The following PRSS53 variants were observed in gnomAD, a reference collection of about 807,000 sequenced individuals.
PRSS53 encodes the protein serine protease 53.
In PRSS53, 54 loss-of-function variants were observed where a neutral mutation model predicts 62.7. The ratio of observed to expected loss-of-function variants is 0.86; its 90% CI spans 0.69 to 1.08. The LOEUF is 1.08. Among genes scored for constraint, PRSS53 ranks in the 50% least tolerant of loss-of-function variants. The pLI is 0.00. For synonymous variants in PRSS53, 273 were observed against 300.0 expected (o/e 0.91, Z 0.93); for missense variants, 688 against 728.3 (o/e 0.94, Z 0.64).
intron 10 of PRSS53, 22 bp downstream of exon 10, chr16:31,084,097 A>T (rs773919860): frequency 3.2e-6 from 5 of 1,554,914 alleles, no homozygotes; most frequent in East Asian, 4.8e-5. Flanking sequence ...AGGGTTTGGC[A>T]GGAGGCCCCG....
At chr16:31,087,730 A>G in intron 2 of PRSS53, 31 bp from the exon 3 acceptor site, 1 of 1,614,096 alleles carries the variant, frequency 6.2e-7, no homozygotes, top group South Asian at 1.1e-5. Context: ...CACTGACAGC[A>G]GATACCTGTC....
At chr16:31,086,230 T>C in intron 5 of PRSS53, 47 bp from the exon 6 acceptor site, 1 of 1,591,460 alleles carries the variant, frequency 6.3e-7, no homozygotes. Flanking sequence ...AGCCCAGCTA[T>C]GGCAGACACC....
At chr16:31,085,406 C>A (rs1264641455) in intron 6 of PRSS53, 146 bp from the exon 7 acceptor site, 15 of 1,015,042 alleles carry the variant, frequency 1.5e-5, no homozygotes, top group Non-Finnish European at 2.1e-5. Context: ...GACTTCCTTG[C>A]TCTGTAACTA....
chr16:31,086,854 G>C, exon 4 of PRSS53: 1 of 1,610,300 alleles, frequency 6.2e-7, no homozygotes. Context: ...ACGCTGCAGA[G>C]AACCCAGGAC....
rs187128221 is a variant in PRSS53, at chr16:31,084,047, C to T, written c.1642+72G>A. 970 of 1,522,206 alleles carry T rather than the reference C, an allele frequency of 6.4e-4. 4 individuals carry two copies. The highest frequency in any genetic ancestry group is 2.0e-4 in the Middle Eastern group (1 of 4,910). The allele number at this position is 1,522,206 out of a possible 1,614,324, so 94.3% of individuals were successfully genotyped here. ...CCAAGGCAGCTGGAGTGGGTTAGAA[C>T]GGCACGTTCTCACTGGAGAGAGAAG... On this transcript the variant is annotated intron_variant, in intron 10 of 10. Transcript: ENST00000280606.
intron 1 of PRSS53, 43 bp downstream of exon 1, chr16:31,088,709 C>T: frequency 6.2e-7 from 1 of 1,611,308 alleles, no homozygotes. Context: ...GGCCCCTGAG[C>T]CCCCACCAGG....
exon 4 of PRSS53, chr16:31,086,743 T>C: frequency 6.2e-7 from 1 of 1,600,792 alleles, no homozygotes; most frequent in Non-Finnish European, 8.5e-7. Context: ...GTGGGCGAGC[T>C]GCAGCAGGGC....
chr16:31,084,440 G>A (rs1297017154), intron 9 of PRSS53, 105 bp from the exon 10 acceptor site: 20 of 1,494,140 alleles, frequency 1.3e-5, no homozygotes, highest in African/African-American at 2.8e-5. Flanking sequence ...TTGGCAAAAA[G>A]GCTTAGTTTC....
exon 4 of PRSS53, chr16:31,086,660 T>C: frequency 6.5e-7 from 1 of 1,539,992 alleles, no homozygotes; most frequent in Non-Finnish European, 8.8e-7. Flanking sequence ...TCCCAGCCAG[T>C]GGCCCAGCAG....
Position 31,087,790 on chromosome 16 carries a change from T to C in PRSS53, c.79+16A>G, listed in dbSNP as rs2143888869. 1 of 1,614,046 alleles carries C rather than the reference T, an allele frequency of 6.2e-7. No individual in the cohort carries two copies. Among genetic ancestry groups the C allele is most frequent in the East Asian group, 2.2e-5 (1 of 44,884 alleles). ...AGACCCAAGTAAGACCTAGGCCCCGTGTCCCCAGACCTTACCACGCTGAGC... is the reference window on the plus strand; with the variant it reads ...AGACCCAAGTAAGACCTAGGCCCCGCGTCCCCAGACCTTACCACGCTGAGC... On this transcript the variant is annotated intron_variant, in intron 2 of 10. Transcript: ENST00000280606.
intron 1 of PRSS53, 140 bp from the exon 2 acceptor site, chr16:31,087,966 A>AATATTT: frequency 1.9e-6 from 3 of 1,540,456 alleles, no homozygotes; most frequent in Non-Finnish European, 2.6e-6. Flanking sequence ...CCAGAATGAA[A>AATATTT]ATATTTATAT....
In PRSS53 at chr16:31,086,505, C is replaced by CGGGGCT. The variant is rs1555500721; in HGVS notation, c.509-20_509-15dup. 2 of 1,605,882 alleles carry CGGGGCT rather than the reference C, an allele frequency of 1.2e-6. No individual in the cohort carries two copies. Among genetic ancestry groups the CGGGGCT allele is most frequent in the South Asian group, 1.1e-5 (1 of 90,408 alleles). On this transcript the variant is annotated splice_polypyrimidine_tract_variant and intron_variant, in intron 4 of 10. Transcript: ENST00000280606. ...GGGTCCCAGGAGCTGGTGAAAGAGA[C>CGGGGCT]GGGGCTGGGGCTAGAGTCTGGGATC... is the stretch of plus-strand genomic sequence containing the variant.
rs547284387 is a variant in PRSS53, at chr16:31,087,285, C to T, written c.242+252G>A. 89 of 569,536 alleles carry T rather than the reference C, an allele frequency of 1.6e-4. 1 individual carries two copies. In the South Asian group the frequency reaches 1.9e-3, roughly 12 times the overall value. 35.3% of individuals were successfully genotyped at this position (569,536 alleles called of 1,614,324 possible). Reference sequence around the variant, plus strand: ...GGGCTGGGATTACAAGCGTGAGCTACTGTGCCCGGCCTCAGTCTGTGACTT... The same window carrying T: ...GGGCTGGGATTACAAGCGTGAGCTATTGTGCCCGGCCTCAGTCTGTGACTT... On this transcript the variant is annotated intron_variant, in intron 3 of 10. Coordinates refer to ENST00000280606, the Ensembl canonical transcript of PRSS53.
chr16:31,084,687 C>G (rs773339826), exon 9 of PRSS53: 13 of 1,611,938 alleles, frequency 8.1e-6, no homozygotes, highest in Non-Finnish European at 1.0e-5. Flanking sequence ...CGGGCACTGT[C>G]TGGAGGGAGC....
At chr16:31,084,617 T>G in exon 9 of PRSS53, 1 of 1,607,436 alleles carries the variant, frequency 6.2e-7, no homozygotes, top group Non-Finnish European at 8.5e-7. Context: ...AGAATAGGGC[T>G]GCCATCACCC....
At position 31,088,564 on chromosome 16, in the gene PRSS53, G is replaced by GA. The variant is rs1281437923; in HGVS notation, c.58+187dup. ...CCAACGCAAACTGCAGCTGGCCCGA[G>GA]AAAATCTCATCCATGTTGACACAGG... On this transcript the variant is annotated intron_variant, in intron 1 of 10. Coordinates refer to ENST00000280606, the Ensembl canonical transcript of PRSS53. The GA allele has an allele frequency of 4.2e-6, 6 of 1,435,282 alleles. No individual in the cohort carries two copies. The South Asian group carries it at 4.3e-5, about 10-fold the overall frequency. The allele number at this position is 1,435,282 out of a possible 1,614,324, so 88.9% of individuals were successfully genotyped here.
chr16:31,084,103 C>G lies in PRSS53; in HGVS notation c.1642+16G>C. 1 of 1,557,036 alleles carries G rather than the reference C, an allele frequency of 6.4e-7. No homozygotes were observed. The highest frequency in any genetic ancestry group is 2.4e-5 in the East Asian group (1 of 41,792). ...TGGAGAGGCAGGGTTTGGCAGGAGG[C>G]CCCGGGGCCACATACTTATGTTGGC... is the stretch of plus-strand genomic sequence containing the variant. On this transcript the variant is annotated intron_variant, in intron 10 of 10. Coordinates refer to ENST00000280606, the Ensembl canonical transcript of PRSS53.
At chr16:31,088,661 T>TCC (rs1567418623) in intron 1 of PRSS53, 91 bp downstream of exon 1, 2 of 1,593,632 alleles carry the variant, frequency 1.3e-6, no homozygotes, top group South Asian at 1.1e-5. Context: ...CCACAGGCGG[T>TCC]CCCCCCACCA....
chr16:31,084,913 G>A lies in PRSS53; in HGVS notation c.1146C>T (p.Asp382=), dbSNP rs770008199. The change falls in exon 8 of 11, where the codon GAC becomes GAT. Residue 382 remains aspartate, a synonymous_variant. Transcript: ENST00000280606. Reference sequence around the variant, plus strand: ...GCTGGGCCAGCAGCAGGAGGGCCATGTCGTAGCCCCCCTCAGGGTGGGTGT... The same window carrying A: ...GCTGGGCCAGCAGCAGGAGGGCCATATCGTAGCCCCCCTCAGGGTGGGTGT... The A allele has an allele frequency of 5.2e-6, 8 of 1,542,620 alleles. No homozygotes were observed. In the East Asian group the frequency reaches 1.7e-4, roughly 33 times the overall value.
Sources: gnomAD v4.1 joint callset for allele counts on GRCh38, gnomAD v4.1.1 for gene constraint, MANE v1.5 for transcripts, NCBI Gene and HGNC (gene_info 2026-07-23, HGNC 2026-07-21) for gene names.